The following HNRNPM variants were observed in gnomAD, a reference collection of about 807,000 sequenced individuals.
The protein encoded by HNRNPM is CEA receptor.
A neutral mutation model predicts 73.1 loss-of-function variants in HNRNPM; 11 were observed. The ratio of observed to expected loss-of-function variants is 0.15; its 90% confidence interval spans 0.09 to 0.25. The LOEUF (loss-of-function observed/expected upper bound fraction) is 0.25. Among genes scored for constraint, HNRNPM ranks in the 10% least tolerant of loss-of-function variants. HNRNPM has a pLI of 1.00. For synonymous variants in HNRNPM, 407 were observed against 355.2 expected (o/e 1.15, Z -1.64); for missense variants, 789 against 1,067.9 (o/e 0.74, Z 3.64).
chr19:8,461,099 C>T lies in HNRNPM; in HGVS notation c.284-1430C>T, dbSNP rs576979052. Among the ~76,000 whole-genome samples, 4 of 152,300 alleles carry T rather than the reference C, an allele frequency of 2.6e-5. No individual in the cohort carries two copies. The East Asian group carries it at 7.7e-4, about 29-fold the overall frequency. On this transcript the variant is annotated intron_variant, in intron 2 of 15. Transcript: ENST00000325495. ...CATATTTCCGTTCTTCATTTCTTTGCACTGATGATTCTCCTGTTTTGTACA... is the reference window on the plus strand; with the variant it reads ...CATATTTCCGTTCTTCATTTCTTTGTACTGATGATTCTCCTGTTTTGTACA...
At chr19:8,480,201 C>T (rs1210105654) in intron 12 of HNRNPM, among the ~76,000 whole-genome samples, 2 of 149,836 alleles carry the variant, frequency 1.3e-5, no homozygotes, top group Admixed American at 6.6e-5. Context: ...TGTGGTGAAA[C>T]CCCGTCTCTA....
chr19:8,465,986 A>T (rs1969717585), intron 6 of HNRNPM, among the ~76,000 whole-genome samples: 2 of 152,182 alleles, frequency 1.3e-5, no homozygotes, highest in Non-Finnish European at 2.9e-5. Flanking sequence ...AATGAGTATT[A>T]ATTTGAAGTA....
chr19:8,483,492 G>A (rs777273771), intron 13 of HNRNPM, among the ~76,000 whole-genome samples: 4 of 152,230 alleles, frequency 2.6e-5, no homozygotes, highest in South Asian at 4.1e-4. Flanking sequence ...TGCACAGGCC[G>A]ACCATCTTCA....
At chr19:8,451,685 A>T (rs1256144993) in intron 1 of HNRNPM, among the ~76,000 whole-genome samples, 2 of 151,558 alleles carry the variant, frequency 1.3e-5, no homozygotes, top group Non-Finnish European at 2.9e-5. Context: ...GCACCAACAT[A>T]CCTGGCTAAT....
chr19:8,445,266 C>A, intron 1 of HNRNPM, 155 bp downstream of exon 1: 1 of 585,514 alleles, frequency 1.7e-6, no homozygotes. Context: ...CGTCTAGGGC[C>A]GTGAGCGGGG....
chr19:8,445,176 C>T (rs1230389983), intron 1 of HNRNPM, 65 bp downstream of exon 1: 2 of 1,295,522 alleles, frequency 1.5e-6, no homozygotes, highest in Non-Finnish European at 2.0e-6. Flanking sequence ...CGGGCGGCGG[C>T]TCCGTTAGGT....
chr19:8,450,928 C>T (rs183229318), intron 1 of HNRNPM, among the ~76,000 whole-genome samples: 14 of 146,868 alleles, frequency 9.5e-5, no homozygotes, highest in East Asian at 8.1e-4. Context: ...GTTTTTGAGA[C>T]GGAGTTTCAC....
chr19:8,459,306 C>G (rs2145643981), intron 2 of HNRNPM, among the ~76,000 whole-genome samples: 1 of 152,270 alleles, frequency 6.6e-6, no homozygotes, highest in South Asian at 2.1e-4. Flanking sequence ...TCTGGCTTAC[C>G]CCGTGTGGTC....
In HNRNPM at chr19:8,473,652, T is replaced by G. The variant is rs775500833; in HGVS notation, c.998-12T>G. 4 of 1,543,792 alleles carry G rather than the reference T, an allele frequency of 2.6e-6. No individual in the cohort carries two copies. The Admixed American group carries it at 7.0e-5, about 27-fold the overall frequency. On this transcript the variant is annotated splice_polypyrimidine_tract_variant and intron_variant, in intron 10 of 15. Coordinates refer to ENST00000325495, the MANE Select transcript of HNRNPM (RefSeq NM_005968.5). ...ACATAATTTTAGTTTGCATTGACTTTTTCTTTTTAAGGAATGGGAATGGAA... is the reference window on the plus strand; with the variant it reads ...ACATAATTTTAGTTTGCATTGACTTGTTCTTTTTAAGGAATGGGAATGGAA...
intron 12 of HNRNPM, among the ~76,000 whole-genome samples, chr19:8,477,724 C>T (rs941425602): frequency 3.3e-5 from 5 of 150,002 alleles, no homozygotes; most frequent in African/African-American, 1.2e-4. Context: ...AAGTTGTGAC[C>T]CAAACCCCGT....
intron 14 of HNRNPM, 42 bp from the exon 15 acceptor site, chr19:8,486,982 G>A (rs1971359420): frequency 6.6e-7 from 1 of 1,516,264 alleles, no homozygotes; most frequent in Non-Finnish European, 9.2e-7. Flanking sequence ...CTTAGGATTT[G>A]GTTTAATCAC....
Position 8,483,191 on chromosome 19 carries a change from T to G in HNRNPM, c.1154T>G (p.Ile385Ser). The stretch of plus-strand genomic sequence containing the variant: ...AGTAATGCACTGAAGAGAGGAGAGA[T>G]CATTGCAAAGCAGGGAGGAGGTAGG... ...ILSNALKRGE[I>S]IAKQGGGGGG... Residue 385 changes from isoleucine to serine, a missense_variant, in exon 13 of 16, where the codon ATC becomes AGC. Physicochemically the swap from Ile to Ser is moderately radical, Grantham distance 142. Transcript: ENST00000325495. The G allele has an allele frequency of 1.2e-6, 2 of 1,612,928 alleles. No homozygotes were observed. The highest frequency in any genetic ancestry group is 1.1e-5 in the South Asian group (1 of 91,014).
rs779769074 is a variant in HNRNPM at position 8,455,488 on chromosome 19, A to G, written c.197A>G (p.Asn66Ser). The change falls in exon 2 of 16, where the codon AAT (asparagine) becomes AGT (serine). Residue 66 changes from asparagine to serine, a missense_variant. Physicochemically the swap from Asn to Ser is conservative, Grantham distance 46. Transcript: ENST00000325495. ...RGGNRFEPYA[N>S]PTKRYRAFIT... ...GGCAATCGCTTTGAGCCATATGCCA[A>G]TCCAACTAAAAGATACAGAGCCTTC... The G allele has an allele frequency of 3.5e-5, 56 of 1,613,834 alleles. No homozygotes were observed. The highest frequency in any genetic ancestry group is 1.2e-4 in the South Asian group (11 of 91,086).
chr19:8,485,819 A>G lies in HNRNPM; in HGVS notation c.1391A>G (p.His464Arg). 2.5e-6 allele frequency: 4 copies of G among 1,602,274 alleles called. No homozygotes were observed. Among genetic ancestry groups the G allele is most frequent in the Non-Finnish European group, 3.4e-6 (4 of 1,179,102 alleles). ...CGCATGGGCCCGCTGGGCCTCGACC[A>G]CATGGCCTCCAGCATTGAGCGCATG... Reference protein sequence around the residue: ...IERMGPLGLDHMASSIERMGQ... With the variant: ...IERMGPLGLDRMASSIERMGQ... Residue 464 changes from histidine (H) to arginine (R), a missense_variant, in exon 14 of 16, where the codon CAC (histidine) becomes CGC (arginine). This residue lies in a region of HNRNPM where 604 missense variants were observed against 744.0 expected (regional missense o/e 0.81). Transcript: ENST00000325495.
intron 10 of HNRNPM, among the ~76,000 whole-genome samples, chr19:8,471,638 A>G (rs1042086834): frequency 2.0e-5 from 3 of 152,160 alleles, no homozygotes; most frequent in Admixed American, 6.5e-5. Context: ...ATGCTTTTTC[A>G]TTGTAACCTG....
At chr19:8,478,869 AC>A (rs1970694306) in intron 12 of HNRNPM, among the ~76,000 whole-genome samples, 1 of 151,942 alleles carries the variant, frequency 6.6e-6, no homozygotes, top group African/African-American at 2.4e-5. Context: ...GAGTTTCCTT[AC>A]CCCAGGGTGC....
rs1231835775 is a variant in HNRNPM at position 8,473,680 on chromosome 19, C to A, written c.1014C>A (p.Gly338=). Residue 338 remains glycine, a synonymous_variant, in exon 11 of 16, where the codon GGC becomes GGA. Transcript: ENST00000325495. ...CTTTTTAAGGAATGGGAATGGAAGG[C>A]ATAGGATTTGGAATAAATAAAATGG... is the stretch of plus-strand genomic sequence containing the variant. ...NIGPAGMGME[G]IGFGINKMGG... is the part of the protein sequence containing the mutation. 5.1e-6 allele frequency: 8 copies of A among 1,575,716 alleles called. No individual in the cohort carries two copies. Among genetic ancestry groups the A allele is most frequent in the Admixed American group, 1.7e-5 (1 of 59,162 alleles).
At chr19:8,485,482 T>C in intron 13 of HNRNPM, 121 bp from the exon 14 acceptor site, 2 of 989,408 alleles carry the variant, frequency 2.0e-6, no homozygotes, top group Non-Finnish European at 3.0e-6. Context: ...GGTGTCTTAA[T>C]GGTAAATTAT....
intron 1 of HNRNPM, among the ~76,000 whole-genome samples, chr19:8,453,954 CCTT>C (rs1361892661): frequency 6.6e-6 from 1 of 152,164 alleles, no homozygotes; most frequent in Non-Finnish European, 1.5e-5. Flanking sequence ...AAGCAGCCAC[CCTT>C]CTTTGCCAAA....
Sources: gnomAD v4.1 joint callset for allele counts (sites outside exome capture counted in the v4.1 genomes callset) on GRCh38, gnomAD v4.1.1 for gene constraint, gnomAD v4.1.1 regional missense constraint, MANE v1.5 for transcripts, NCBI Gene and HGNC (gene_info 2026-07-23, HGNC 2026-07-21) for gene names.